Variants in LINGO2 observed in about 807,000 individuals in gnomAD.
LINGO2 encodes the protein leucine rich repeat and Ig domain containing 2.
A neutral mutation model predicts 30.6 loss-of-function variants in LINGO2; 14 were observed. The ratio of observed to expected loss-of-function variants is 0.46; its 90% CI spans 0.30 to 0.72. The LOEUF (loss-of-function observed/expected upper bound fraction) is 0.72. Among genes scored for constraint, LINGO2 ranks in the 30% least tolerant of loss-of-function variants. The probability of loss-of-function intolerance (pLI) is 0.07; values close to 1 mark genes in which losing one functional copy is unlikely to be tolerated. For missense variants in LINGO2, 729 were observed against 751.7 expected (o/e 0.97, Z 0.35); for synonymous variants, 317 against 288.5 (o/e 1.10, Z -1.00).
chr9:28,555,498 A>C (rs1181130978), intron 1 of LINGO2, among the ~76,000 whole-genome samples: 1 of 151,936 alleles, frequency 6.6e-6, no homozygotes, highest in Non-Finnish European at 1.5e-5. Flanking sequence ...AATTGTGGCA[A>C]TAATCAATAG....
chr9:28,020,162 C>T (rs929433245), intron 4 of LINGO2, among the ~76,000 whole-genome samples: 1 of 152,164 alleles, frequency 6.6e-6, no homozygotes, highest in Non-Finnish European at 1.5e-5. Flanking sequence ...TGCAATCCCT[C>T]TCTAAGTGGG....
At chr9:28,562,260 A>G (rs1212269507) in intron 1 of LINGO2, among the ~76,000 whole-genome samples, 9 of 152,026 alleles carry the variant, frequency 5.9e-5, no homozygotes, top group Non-Finnish European at 1.5e-5. Context: ...AGGAACGATG[A>G]TTATTAGAGA....
chr9:28,233,055 T>C lies in LINGO2; in HGVS notation c.-87+62153A>G, dbSNP rs1587284276. Among the ~76,000 whole-genome samples, 3 of 123,128 alleles carry C rather than the reference T, an allele frequency of 2.4e-5. 1 individual carries two copies. The highest frequency in any genetic ancestry group is 8.4e-5 in the Admixed American group (1 of 11,862). 80.8% of individuals were successfully genotyped at this position (123,128 alleles called of 152,430 possible). On this transcript the variant is annotated intron_variant, in intron 4 of 5. Transcript: ENST00000379992. ...TTATATATATATATATATATATATA[T>C]ATATATTAGATATATAATAGATATA...
chr9:28,310,974 G>C (rs1377693139), intron 3 of LINGO2, among the ~76,000 whole-genome samples: 1 of 151,996 alleles, frequency 6.6e-6, no homozygotes, highest in African/African-American at 2.4e-5. Context: ...TAATATTGGG[G>C]GAAATTCAGC....
chr9:28,193,481 T>C (rs1340288694), intron 4 of LINGO2, among the ~76,000 whole-genome samples: 1 of 152,070 alleles, frequency 6.6e-6, no homozygotes, highest in African/African-American at 2.4e-5. Context: ...TAAAGGAAGA[T>C]TATCCTAACT....
chr9:28,260,800 C>T (rs1209427815), intron 4 of LINGO2, among the ~76,000 whole-genome samples: 2 of 151,896 alleles, frequency 1.3e-5, no homozygotes, highest in Non-Finnish European at 1.5e-5. Context: ...TAGCTTCTTC[C>T]TTTAGTCTCA....
At chr9:29,164,766 G>A in the LINGO2 span, among the ~76,000 whole-genome samples, 17 of 140,234 alleles carry the variant, frequency 1.2e-4, no homozygotes, top group Non-Finnish European at 2.2e-4. Flanking sequence ...ATATATGCAC[G>A]TGTGTGTATA....
At chr9:28,983,144 A>G in the LINGO2 span, among the ~76,000 whole-genome samples, 1 of 151,970 alleles carries the variant, frequency 6.6e-6, no homozygotes, top group African/African-American at 2.4e-5. Context: ...TCTGGGCCAC[A>G]GCCTGTTTTC....
At chr9:28,756,039 A>C in the LINGO2 span, among the ~76,000 whole-genome samples, 16 of 152,198 alleles carry the variant, frequency 1.1e-4, no homozygotes, top group African/African-American at 3.9e-4. Flanking sequence ...TAATAGGTAT[A>C]ACTTTTTAAG....
the LINGO2 span, among the ~76,000 whole-genome samples, chr9:29,042,239 C>G: frequency 1.3e-4 from 19 of 151,854 alleles, no homozygotes; most frequent in Non-Finnish European, 2.4e-4. Context: ...TACGGCCATA[C>G]CACCCTGAAT....
the LINGO2 span, among the ~76,000 whole-genome samples, chr9:29,035,214 T>C: frequency 6.6e-6 from 1 of 152,038 alleles, no homozygotes; most frequent in Admixed American, 6.6e-5. Context: ...AGCGGCCTCA[T>C]AGTCAAAACC....
chr9:28,342,063 T>C (rs1366893125), intron 3 of LINGO2, among the ~76,000 whole-genome samples: 1 of 152,124 alleles, frequency 6.6e-6, no homozygotes, highest in African/African-American at 2.4e-5. Flanking sequence ...ATGGGGAAAG[T>C]TCTCCTTCTT....
At chr9:28,516,275 C>T (rs1398704177) in intron 1 of LINGO2, among the ~76,000 whole-genome samples, 2 of 152,142 alleles carry the variant, frequency 1.3e-5, no homozygotes, top group Non-Finnish European at 2.9e-5. Context: ...CCACAAATGT[C>T]AAGGGAGCTT....
chr9:27,948,962 T>C lies in LINGO2; in HGVS notation c.1710A>G (p.Lys570=), dbSNP rs144862541. 1.9e-6 allele frequency: 3 copies of C among 1,614,044 alleles called. No individual in the cohort carries two copies. In the South Asian group the frequency reaches 3.3e-5, roughly 18 times the overall value. The change falls in exon 6 of 6, where the codon AAA becomes AAG. Residue 570 remains lysine (K), a synonymous_variant. Transcript: ENST00000379992. ...GGTCAATGCTGTTTTTGTGCTTGCC[T>C]TTCCCTCGGCTCCACACAAAAAGGA...
intron 4 of LINGO2, among the ~76,000 whole-genome samples, chr9:28,288,403 G>A (rs189931334): frequency 1.5e-3 from 228 of 152,182 alleles, no homozygotes; most frequent in Non-Finnish European, 2.6e-3. Context: ...TGCCTCTTAA[G>A]CTTCATGCTT....
chr9:28,880,013 C>T, the LINGO2 span, among the ~76,000 whole-genome samples: 1 of 152,112 alleles, frequency 6.6e-6, no homozygotes, highest in Admixed American at 6.5e-5. Flanking sequence ...CTCTAAGTTT[C>T]CTGCCAGCTA....
the LINGO2 span, among the ~76,000 whole-genome samples, chr9:28,727,135 T>C: frequency 6.6e-6 from 1 of 152,182 alleles, no homozygotes; most frequent in Admixed American, 6.5e-5. Context: ...ATACACTTAA[T>C]TCTAAAACTA....
chr9:27,948,885 G>C, exon 6 of LINGO2: 1 of 1,613,230 alleles, frequency 6.2e-7, no homozygotes. Flanking sequence ...CCTGGGTCCA[G>C]CTACCTCCCC....
intron 4 of LINGO2, among the ~76,000 whole-genome samples, chr9:28,160,577 C>G (rs725469): frequency 0.044 from 6,627 of 152,220 alleles, 201 homozygotes; most frequent in East Asian, 0.2. Context: ...TCCTGCCCCC[C>G]TTCTGCTCTT....
Sources: gnomAD v4.1 joint callset for allele counts (sites outside exome capture counted in the v4.1 genomes callset) on GRCh38, gnomAD v4.1.1 for gene constraint, MANE v1.5 for transcripts, NCBI Gene and HGNC (gene_info 2026-07-23, HGNC 2026-07-21) for gene names.